MAPRE2: variants seen among roughly 807,000 people sequenced by gnomAD.
MAPRE2 encodes the protein microtubule associated protein RP/EB family member 2.
MAPRE2 carries 13 observed loss-of-function variants against 43.2 expected under a neutral mutation model. That is an observed-to-expected ratio of 0.30 (90% CI 0.20 to 0.48). MAPRE2 has a LOEUF of 0.48. Among genes scored for constraint, MAPRE2 ranks in the 20% least tolerant of loss-of-function variants. MAPRE2 has a pLI of 0.99. For missense variants in MAPRE2, 161 were observed against 400.2 expected (o/e 0.40, Z 5.10); for synonymous variants, 135 against 148.8 (o/e 0.91, Z 0.68).
intron 1 of MAPRE2, among the ~76,000 whole-genome samples, chr18:35,002,859 T>C (rs1401846379): frequency 6.6e-6 from 1 of 152,190 alleles, no homozygotes; most frequent in Non-Finnish European, 1.5e-5. Flanking sequence ...ATATCTTGTA[T>C]TTACATCTGC....
intron 1 of MAPRE2, among the ~76,000 whole-genome samples, chr18:35,069,039 T>C (rs1303026971): frequency 3.3e-5 from 5 of 152,150 alleles, no homozygotes; most frequent in Non-Finnish European, 7.4e-5. Context: ...AGAACTTGAA[T>C]AAGATCAAGG....
intron 1 of MAPRE2, 48 bp downstream of exon 1, chr18:35,041,709 C>T (rs1002207571): frequency 3.7e-6 from 6 of 1,613,054 alleles, no homozygotes; most frequent in Non-Finnish European, 5.1e-6. Context: ...CGTGAGGGCG[C>T]GCGGAAATCC....
At chr18:35,045,736 T>C (rs999912080) in intron 1 of MAPRE2, among the ~76,000 whole-genome samples, 1 of 152,208 alleles carries the variant, frequency 6.6e-6, no homozygotes, top group Non-Finnish European at 1.5e-5. Context: ...ACAGCAGTTA[T>C]AGATTGCAAA....
intron 1 of MAPRE2, among the ~76,000 whole-genome samples, chr18:34,998,028 T>C (rs541323618): frequency 7.9e-5 from 12 of 152,204 alleles, no homozygotes; most frequent in Non-Finnish European, 1.6e-4. Context: ...GACAGTGTAA[T>C]TGGGGTATCG....
intron 1 of MAPRE2, among the ~76,000 whole-genome samples, chr18:34,993,788 T>C (rs1047497862): frequency 6.6e-6 from 1 of 152,202 alleles, no homozygotes; most frequent in Admixed American, 6.5e-5. Context: ...AGTTGTGTTC[T>C]ACCCATTTTG....
At chr18:35,081,389 C>T (rs1018158863) in intron 2 of MAPRE2, among the ~76,000 whole-genome samples, 5 of 152,122 alleles carry the variant, frequency 3.3e-5, no homozygotes, top group African/African-American at 1.2e-4. Context: ...TCATAAAGAA[C>T]AATATTCTGT....
chr18:35,031,256 A>C (rs1267167667), intron 2 of MAPRE2, among the ~76,000 whole-genome samples: 1 of 152,240 alleles, frequency 6.6e-6, no homozygotes, highest in African/African-American at 2.4e-5. Flanking sequence ...CCTAGCACAT[A>C]GTAAGTTCTC....
intron 4 of MAPRE2, among the ~76,000 whole-genome samples, chr18:35,111,163 A>G (rs1909157665): frequency 2.0e-5 from 3 of 152,016 alleles, no homozygotes; most frequent in African/African-American, 4.8e-5. Flanking sequence ...TTTAGATTAG[A>G]TGGTTTCTGT....
At chr18:35,005,461 C>T (rs965679458) in intron 1 of MAPRE2, 1 of 1,386,832 alleles carries the variant, frequency 7.2e-7, no homozygotes, top group African/African-American at 1.4e-5. Context: ...AATGCTTGCA[C>T]TCTTTTTTTC....
chr18:35,069,293 C>T (rs1213455558), intron 1 of MAPRE2, among the ~76,000 whole-genome samples: 2 of 151,938 alleles, frequency 1.3e-5, no homozygotes, highest in Non-Finnish European at 2.9e-5. Flanking sequence ...CAGATTCAAG[C>T]AATCTGAAGT....
intron 1 of MAPRE2, among the ~76,000 whole-genome samples, chr18:34,983,993 A>T (rs2097017713): frequency 6.8e-6 from 1 of 146,920 alleles, no homozygotes; most frequent in South Asian, 2.2e-4. Context: ...TTGTAATGGC[A>T]AGGATCACTA....
intron 1 of MAPRE2, among the ~76,000 whole-genome samples, chr18:34,979,100 C>T (rs556260795): frequency 1.2e-4 from 18 of 152,194 alleles, no homozygotes; most frequent in African/African-American, 4.1e-4. Context: ...ACTGGAGTGC[C>T]GATGACTAAC....
intron 3 of MAPRE2, among the ~76,000 whole-genome samples, chr18:35,100,306 A>ATTTT (rs1908616919): frequency 2.0e-5 from 3 of 152,230 alleles, no homozygotes; most frequent in African/African-American, 7.2e-5. Context: ...TATTACTAAA[A>ATTTT]AGTCAAAAAA....
At chr18:35,043,119 A>G (rs1905449713) in intron 1 of MAPRE2, among the ~76,000 whole-genome samples, 1 of 152,194 alleles carries the variant, frequency 6.6e-6, no homozygotes, top group East Asian at 1.9e-4. Context: ...ATTCCTCCAC[A>G]ACTTCTGGAG....
At chr18:35,006,084 A>G (rs932847998) in intron 2 of MAPRE2, among the ~76,000 whole-genome samples, 1 of 152,234 alleles carries the variant, frequency 6.6e-6, no homozygotes, top group African/African-American at 2.4e-5. Flanking sequence ...GTTATTTCGA[A>G]CTATTACTCT....
chr18:34,987,920 G>A (rs1020470961), intron 1 of MAPRE2, among the ~76,000 whole-genome samples: 4 of 152,152 alleles, frequency 2.6e-5, no homozygotes, highest in African/African-American at 7.2e-5. Flanking sequence ...TGGGATTACA[G>A]GCATGAGCCA....
At chr18:35,031,069 G>C (rs1298983655) in intron 2 of MAPRE2, among the ~76,000 whole-genome samples, 3 of 152,118 alleles carry the variant, frequency 2.0e-5, no homozygotes, top group African/African-American at 7.2e-5. Context: ...TGCAGTCCAA[G>C]TCCTCCTTCC....
At chr18:35,008,569 A>G (rs1055890998) in intron 2 of MAPRE2, among the ~76,000 whole-genome samples, 8 of 152,178 alleles carry the variant, frequency 5.3e-5, no homozygotes, top group African/African-American at 1.9e-4. Flanking sequence ...CAGAACTATT[A>G]TTGGAATTGC....
Position 35,140,493 on chromosome 18 carries a change from C to G in MAPRE2, c.*124C>G. 2 of 955,398 alleles carry G rather than the reference C, an allele frequency of 2.1e-6. No individual in the cohort carries two copies. Among genetic ancestry groups the G allele is most frequent in the Admixed American group, 4.6e-5 (2 of 43,646 alleles). 59.2% of individuals were successfully genotyped at this position (955,398 alleles called of 1,614,324 possible). ...TCCCAATCTGCCGTTACCATCAACG[C>G]ACTGTTGCATATGCCAGCCACTGCG... is the stretch of plus-strand genomic sequence containing the variant. On this transcript the variant is annotated 3_prime_UTR_variant, in exon 7 of 7. Transcript: ENST00000300249.
Sources: allele counts gnomAD v4.1 joint callset (sites outside exome capture counted in the v4.1 genomes callset), GRCh38; gene constraint gnomAD v4.1.1; transcripts MANE v1.5; gene names NCBI Gene and HGNC (gene_info 2026-07-23, HGNC 2026-07-21).